The following KATNAL1 variants were observed in gnomAD, a reference collection of about 807,000 sequenced individuals.
KATNAL1 encodes the protein katanin catalytic subunit A1 like 1, also known as katanin p60 ATPase-containing subunit A-like 1.
Under a neutral mutation model 55.2 loss-of-function variants are expected in KATNAL1, and 32 were observed. That is an observed-to-expected ratio of 0.58 (90% confidence interval 0.44 to 0.78). The LOEUF (loss-of-function observed/expected upper bound fraction) is 0.78. KATNAL1 is among the 30% of genes least tolerant of loss of function. KATNAL1 has a pLI of 0.00. For synonymous variants in KATNAL1, 193 were observed against 193.6 expected (o/e 1.00, Z 0.02); for missense variants, 466 against 600.9 (o/e 0.78, Z 2.35).
chr13:30,245,207 C>T (rs1388916968), intron 4 of KATNAL1, among the ~76,000 whole-genome samples: 1 of 152,072 alleles, frequency 6.6e-6, no homozygotes, highest in African/African-American at 2.4e-5. Context: ...TTATCCACCA[C>T]GATCAAGTTG....
In KATNAL1 at chr13:30,306,293, T is replaced by C. The variant is rs368032845; in HGVS notation, c.-15+1038A>G. Among the ~76,000 whole-genome samples the C allele has an allele frequency of 5.9e-5, 9 of 152,294 alleles. No individual in the cohort carries two copies. The East Asian group carries it at 1.4e-3, about 23-fold the overall frequency. ...AAGAATTAACTAAATAATTAAAACATGGTATTTTTCCTTCCGAAAACATGC... is the reference window on the plus strand; with the variant it reads ...AAGAATTAACTAAATAATTAAAACACGGTATTTTTCCTTCCGAAAACATGC... On this transcript the variant is annotated intron_variant, in intron 1 of 10. Transcript: ENST00000380615.
intron 1 of KATNAL1, among the ~76,000 whole-genome samples, chr13:30,306,464 G>A (rs904216908): frequency 6.6e-6 from 1 of 151,954 alleles, no homozygotes; most frequent in Non-Finnish European, 1.5e-5. Flanking sequence ...GGGGGGGGTG[G>A]GGTGGAGCAC....
At chr13:30,298,975 A>C (rs146408322) in intron 1 of KATNAL1, among the ~76,000 whole-genome samples, 2 of 152,320 alleles carry the variant, frequency 1.3e-5, no homozygotes, top group Non-Finnish European at 2.9e-5. Flanking sequence ...AAAGCAAATC[A>C]AAGTTCACAC....
intron 4 of KATNAL1, among the ~76,000 whole-genome samples, chr13:30,243,843 C>T (rs1272762258): frequency 6.6e-6 from 1 of 152,174 alleles, no homozygotes; most frequent in Non-Finnish European, 1.5e-5. Context: ...TGTAAAGCCA[C>T]TGCCTCTCAC....
At chr13:30,266,414 T>C (rs2137492564) in intron 3 of KATNAL1, among the ~76,000 whole-genome samples, 1 of 152,352 alleles carries the variant, frequency 6.6e-6, no homozygotes, top group South Asian at 2.1e-4. Flanking sequence ...TTCTTCTTAG[T>C]TCTTGCCTTA....
chr13:30,256,548 C>T (rs962379176), intron 3 of KATNAL1, among the ~76,000 whole-genome samples: 6 of 152,138 alleles, frequency 3.9e-5, no homozygotes, highest in Non-Finnish European at 8.8e-5. Context: ...TTATTATCCC[C>T]TTTCCAGCCT....
At chr13:30,257,810 A>G (rs893873807) in intron 3 of KATNAL1, among the ~76,000 whole-genome samples, 1 of 152,194 alleles carries the variant, frequency 6.6e-6, no homozygotes, top group African/African-American at 2.4e-5. Flanking sequence ...CGTTTGTGGC[A>G]AGGCCCCTGT....
chr13:30,257,841 G>A (rs1207317301), intron 3 of KATNAL1, among the ~76,000 whole-genome samples: 2 of 152,120 alleles, frequency 1.3e-5, no homozygotes, highest in East Asian at 3.9e-4. Context: ...GTGTGCCTCT[G>A]CTTTGTAAGT....
chr13:30,306,686 T>C (rs879792923), intron 1 of KATNAL1: 2 of 152,082 alleles, frequency 1.3e-5, no homozygotes, highest in Admixed American at 6.5e-5. Flanking sequence ...AACCCAGAAA[T>C]AAACGTATCC....
intron 4 of KATNAL1, among the ~76,000 whole-genome samples, chr13:30,243,220 A>G (rs74324810): frequency 0.025 from 3,872 of 152,270 alleles, 152 homozygotes; most frequent in African/African-American, 0.086. Flanking sequence ...ACTAACATCA[A>G]AATTTCCCAT....
intron 7 of KATNAL1, 102 bp from the exon 8 acceptor site, chr13:30,230,696 C>T: frequency 1.2e-6 from 1 of 846,820 alleles, no homozygotes; most frequent in Non-Finnish European, 1.8e-6. Context: ...GCAGAAACTT[C>T]TCACTGTTTT....
At chr13:30,256,565 T>C (rs1185349414) in intron 3 of KATNAL1, among the ~76,000 whole-genome samples, 2 of 152,160 alleles carry the variant, frequency 1.3e-5, no homozygotes, top group African/African-American at 2.4e-5. Flanking sequence ...GCCTCACACT[T>C]ATAATTCACC....
chr13:30,261,758 C>T (rs1488128249), intron 3 of KATNAL1, among the ~76,000 whole-genome samples: 1 of 152,188 alleles, frequency 6.6e-6, no homozygotes, highest in African/African-American at 2.4e-5. Flanking sequence ...GACTCCCACA[C>T]ATTAATAATG....
chr13:30,263,090 A>G (rs1879443546), intron 3 of KATNAL1, among the ~76,000 whole-genome samples: 1 of 152,232 alleles, frequency 6.6e-6, no homozygotes, highest in South Asian at 2.1e-4. Context: ...AATGTAATCC[A>G]GCATATAAAC....
At chr13:30,257,505 T>C (rs146674667) in intron 3 of KATNAL1, among the ~76,000 whole-genome samples, 1 of 152,346 alleles carries the variant, frequency 6.6e-6, no homozygotes, top group Non-Finnish European at 1.5e-5. Flanking sequence ...CTGGGCTTGC[T>C]GTGACCTCAC....
chr13:30,277,314 T>TAG lies in KATNAL1; in HGVS notation c.323+2748_323+2749insCT, dbSNP rs1593934216. 2.6e-5 allele frequency among the ~76,000 whole-genome samples: 4 copies of TAG among 152,136 alleles called. No homozygotes were observed. The East Asian group carries it at 7.7e-4, about 29-fold the overall frequency. On this transcript the variant is annotated intron_variant, in intron 3 of 10. Coordinates refer to ENST00000380615, the MANE Select transcript of KATNAL1 (RefSeq NM_032116.5). ...TATTACATGCCAGTTGCTGTCTTAA[T>TAG]TTTTTTTATTCAATTCCATGAAGTA...
In KATNAL1 at chr13:30,255,584, C is replaced by A; in HGVS notation, c.355G>T (p.Glu119Ter). The change falls in exon 4 of 11, where the codon GAA becomes TAA. Residue 119 changes from glutamate (E) to a stop codon, truncating the protein, a stop_gained. Coordinates refer to ENST00000380615, the MANE Select transcript of KATNAL1 (RefSeq NM_032116.5). LOFTEE classifies it high-confidence loss of function. ...ATTTCTTTCCTCAGAGGTCTTACTTCTCGATTGGGACGCCTGATCTGAGGT... is the reference window on the plus strand; with the variant it reads ...ATTTCTTTCCTCAGAGGTCTTACTTATCGATTGGGACGCCTGATCTGAGGT... Reference protein sequence around the residue: ...APPQIRRPNREVRPLRKEMAG... With the variant: ...APPQIRRPNR 6.5e-7 allele frequency: 1 copy of A among 1,542,998 alleles called. No individual in the cohort carries two copies. Among genetic ancestry groups the A allele is most frequent in the South Asian group, 1.2e-5 (1 of 80,964 alleles).
intron 9 of KATNAL1, among the ~76,000 whole-genome samples, chr13:30,221,863 C>T (rs549088052): frequency 6.6e-6 from 1 of 152,176 alleles, no homozygotes; most frequent in African/African-American, 2.4e-5. Context: ...ACCAGCCTGA[C>T]CAACATGAGG....
chr13:30,269,894 GA>G (rs1280355654), intron 3 of KATNAL1, among the ~76,000 whole-genome samples: 3 of 151,486 alleles, frequency 2.0e-5, no homozygotes, highest in Admixed American at 6.6e-5. Flanking sequence ...CCCCGTCCAG[GA>G]GGGGGGGGTC....
Sources: allele counts gnomAD v4.1 joint callset (sites outside exome capture counted in the v4.1 genomes callset), GRCh38; gene constraint gnomAD v4.1.1; transcripts MANE v1.5; gene names NCBI Gene and HGNC (gene_info 2026-07-23, HGNC 2026-07-21).